Variants in CSMD3 observed in about 807,000 individuals in gnomAD.
CSMD3 encodes CUB and Sushi multiple domains 3, also known as CUB and sushi domain-containing protein 3.
In CSMD3, 177 loss-of-function variants were observed where a neutral mutation model predicts 435.2. That is an observed-to-expected ratio of 0.41 (90% confidence interval 0.36 to 0.46). CSMD3 has a LOEUF of 0.46. Among genes scored for constraint, CSMD3 ranks in the 20% least tolerant of loss-of-function variants. The pLI is 0.34. For missense variants in CSMD3, 4,265 were observed against 4,504.6 expected (o/e 0.95, Z 1.52); for synonymous variants, 1,656 against 1,520.5 (o/e 1.09, Z -2.07).
At chr8:112,351,355 T>G (rs1826121760) in intron 39 of CSMD3, 111 bp from the exon 40 acceptor site, 4 of 716,260 alleles carry the variant, frequency 5.6e-6, no homozygotes, top group Non-Finnish European at 1.0e-5. Context: ...GCTTTATTTT[T>G]ATACACATAT....
chr8:112,232,789 A>G (rs954134510), intron 68 of CSMD3, among the ~76,000 whole-genome samples: 7 of 152,166 alleles, frequency 4.6e-5, no homozygotes, highest in African/African-American at 1.7e-4. Context: ...TGAGAATCAC[A>G]GCTTATTTCA....
At chr8:113,193,131 G>A (rs1300936509) in intron 3 of CSMD3, among the ~76,000 whole-genome samples, 1 of 151,078 alleles carries the variant, frequency 6.6e-6, no homozygotes, top group Non-Finnish European at 1.5e-5. Context: ...AAAAATGTGT[G>A]TGGAGCATGT....
At chr8:112,336,059 C>A (rs1327402232) in intron 44 of CSMD3, among the ~76,000 whole-genome samples, 2 of 152,000 alleles carry the variant, frequency 1.3e-5, no homozygotes, top group Non-Finnish European at 2.9e-5. Context: ...ACCACAGGCG[C>A]ATGCCACCAT....
chr8:113,003,425 T>G (rs1436548395), intron 6 of CSMD3, among the ~76,000 whole-genome samples: 1 of 152,094 alleles, frequency 6.6e-6, no homozygotes, highest in East Asian at 1.9e-4. Flanking sequence ...CTTTCCATGT[T>G]AGGATTTTCT....
intron 3 of CSMD3, among the ~76,000 whole-genome samples, chr8:113,214,903 G>C (rs1179906864): frequency 6.6e-6 from 1 of 151,776 alleles, no homozygotes; most frequent in Non-Finnish European, 1.5e-5. Context: ...AGTACCCATA[G>C]CTTTGAAATA....
chr8:113,209,424 A>AT (rs2092806761), intron 3 of CSMD3, among the ~76,000 whole-genome samples: 1 of 152,186 alleles, frequency 6.6e-6, no homozygotes, highest in Admixed American at 6.5e-5. Context: ...TGTAAGTTCC[A>AT]TAAGAGTGTA....
chr8:113,164,391 ATTGCCTTGGTC>A (rs2092108663), intron 4 of CSMD3, among the ~76,000 whole-genome samples: 2 of 151,312 alleles, frequency 1.3e-5, no homozygotes, highest in South Asian at 4.2e-4. Context: ...GTAAATGGAA[ATTGCCTTGGTC>A]AAAATATAAG....
Position 113,339,198 on chromosome 8 carries a change from T to A in CSMD3, c.179-24405A>T, listed in dbSNP as rs116900856. ...ACATAATGAATACTATGTGTTATAT[T>A]CCCTTTCTCTTCCTCCGCCTCATAG... On this transcript the variant is annotated intron_variant, in intron 1 of 70. Transcript: ENST00000297405. 2.5e-3 allele frequency among the ~76,000 whole-genome samples: 377 copies of A among 152,096 alleles called. 1 individual carries two copies. The highest frequency in any genetic ancestry group is 4.3e-3 in the Non-Finnish European group (291 of 67,870).
At chr8:112,790,151 T>C (rs1414453030) in intron 13 of CSMD3, among the ~76,000 whole-genome samples, 1 of 152,020 alleles carries the variant, frequency 6.6e-6, no homozygotes, top group Non-Finnish European at 1.5e-5. Context: ...GATCTCTGTT[T>C]ATATGTGCTA....
intron 32 of CSMD3, among the ~76,000 whole-genome samples, chr8:112,423,037 T>A (rs1161162053): frequency 6.6e-6 from 1 of 152,136 alleles, no homozygotes; most frequent in African/African-American, 2.4e-5. Flanking sequence ...TTGAAATAAA[T>A]CTACAGAATG....
intron 22 of CSMD3, among the ~76,000 whole-genome samples, chr8:112,628,516 A>G (rs1016380417): frequency 2.0e-5 from 3 of 152,038 alleles, no homozygotes; most frequent in African/African-American, 7.2e-5. Flanking sequence ...TTGAAATGGC[A>G]ATTATAGTCC....
intron 31 of CSMD3, among the ~76,000 whole-genome samples, chr8:112,487,916 CAG>C (rs1820298274): frequency 6.6e-6 from 1 of 152,088 alleles, no homozygotes; most frequent in Non-Finnish European, 1.5e-5. Flanking sequence ...TAAATTACTA[CAG>C]AGTTTTAAAA....
chr8:113,405,484 G>A (rs2094528592), intron 1 of CSMD3, among the ~76,000 whole-genome samples: 1 of 151,596 alleles, frequency 6.6e-6, no homozygotes, highest in South Asian at 2.1e-4. Flanking sequence ...GTGAAATAAG[G>A]GAGGGGTGAT....
chr8:112,995,076 G>T lies in CSMD3; in HGVS notation c.1031-18928C>A, dbSNP rs145512452. Among the ~76,000 whole-genome samples, 1,007 of 151,298 alleles carry T rather than the reference G, an allele frequency of 6.7e-3. 12 individuals carry two copies. The highest frequency in any genetic ancestry group is 0.023 in the African/African-American group (966 of 41,358). On this transcript the variant is annotated intron_variant, in intron 6 of 70. Coordinates refer to ENST00000297405, the MANE Select transcript of CSMD3 (RefSeq NM_198123.2). ...AATTCCCAAGGCACTATTCTCAGTC[G>T]GAAGAGAAACATAATAGTTAATAAG...
At chr8:112,744,417 T>A (rs1240803211) in intron 13 of CSMD3, among the ~76,000 whole-genome samples, 1 of 152,122 alleles carries the variant, frequency 6.6e-6, no homozygotes, top group East Asian at 1.9e-4. Flanking sequence ...TTAACTTTTA[T>A]TTCCTTGGGA....
intron 6 of CSMD3, among the ~76,000 whole-genome samples, chr8:112,985,075 G>A (rs1401141420): frequency 6.6e-6 from 1 of 151,958 alleles, no homozygotes; most frequent in African/African-American, 2.4e-5. Flanking sequence ...CAGTCTAATA[G>A]CTATTTAAAA....
At chr8:112,655,111 A>T (rs2075224783) in intron 18 of CSMD3, among the ~76,000 whole-genome samples, 2 of 152,142 alleles carry the variant, frequency 1.3e-5, no homozygotes, top group Non-Finnish European at 1.5e-5. Flanking sequence ...AAGATGATTT[A>T]AAAAAACTAA....
intron 12 of CSMD3, among the ~76,000 whole-genome samples, chr8:112,816,839 T>C (rs2079389054): frequency 6.6e-6 from 1 of 151,678 alleles, no homozygotes; most frequent in East Asian, 1.9e-4. Context: ...AATTTATTTA[T>C]AAATTATTAT....
In CSMD3 at chr8:112,729,796, G is replaced by A. The variant is rs147749711; in HGVS notation, c.1973-39746C>T. On this transcript the variant is annotated intron_variant, in intron 13 of 70. Transcript: ENST00000297405. Reference sequence around the variant, plus strand: ...TGGCCACTAGGACAGAAATGCTGGGGCAACCACTATAAACTGGAAGAGGCA... The same window carrying A: ...TGGCCACTAGGACAGAAATGCTGGGACAACCACTATAAACTGGAAGAGGCA... 4.0e-3 allele frequency among the ~76,000 whole-genome samples: 605 copies of A among 152,170 alleles called. 14 individuals are homozygous for A. In the East Asian group the frequency reaches 0.074, roughly 19 times the overall value.
Sources: allele counts gnomAD v4.1 joint callset (sites outside exome capture counted in the v4.1 genomes callset), GRCh38; gene constraint gnomAD v4.1.1; transcripts MANE v1.5; gene names NCBI Gene and HGNC (gene_info 2026-07-23, HGNC 2026-07-21).